TPCN1: variants seen among roughly 807,000 people sequenced by gnomAD.
The protein encoded by TPCN1 is two pore segment channel 1.
A neutral mutation model predicts 108.8 loss-of-function variants in TPCN1; 52 were observed. The ratio of observed to expected loss-of-function variants is 0.48; its 90% confidence interval spans 0.38 to 0.60. The LOEUF (loss-of-function observed/expected upper bound fraction) is 0.60. TPCN1 is among the 20% of genes least tolerant of loss of function. TPCN1 has a pLI of 0.00. For synonymous variants in TPCN1, 446 were observed against 433.7 expected (o/e 1.03, Z -0.35); for missense variants, 806 against 1,072.8 (o/e 0.75, Z 3.47).
intron 15 of TPCN1, among the ~76,000 whole-genome samples, chr12:113,281,194 C>T (rs1246598311): frequency 1.3e-5 from 2 of 152,102 alleles, no homozygotes; most frequent in African/African-American, 2.4e-5. Flanking sequence ...GTGTGTGCCA[C>T]CACGCCCAGC....
In TPCN1 at chr12:113,292,009, CTCTG is replaced by C. The variant is rs542237198; in HGVS notation, c.2113+64_2113+67del. 4.8e-4 allele frequency: 731 copies of C among 1,517,658 alleles called. 7 individuals are homozygous for C. In the African/African-American group the frequency reaches 7.7e-3, roughly 16 times the overall value. 94.0% of individuals were successfully genotyped at this position (1,517,658 alleles called of 1,614,324 possible). ...CATTTGATATCTGCCGCCTACCCAG[CTCTG>C]TCTGTCTGTCTGGGTGGCTGTCCAG... On this transcript the variant is annotated intron_variant, in intron 25 of 27. Coordinates refer to ENST00000335509, the MANE Select transcript of TPCN1 (RefSeq NM_017901.6).
At position 113,293,310 on chromosome 12, in the gene TPCN1, G is replaced by A; in HGVS notation, c.2295G>A (p.Lys765=). The change falls in exon 27 of 28, where the codon AAG becomes AAA. Residue 765 remains lysine (K), a synonymous_variant. Transcript: ENST00000335509. ...MVFLGRRSRT[K]SDLSLKMYQE... ...TTCTGGGACGGCGATCAAGGACCAA[G>A]AGCGACCTGAGCCTGAAGATGTACC... The A allele has an allele frequency of 6.2e-7, 1 of 1,614,120 alleles. No individual in the cohort carries two copies. Among genetic ancestry groups the A allele is most frequent in the Non-Finnish European group, 8.5e-7 (1 of 1,180,032 alleles).
chr12:113,287,117 A>C, intron 19 of TPCN1, 23 bp downstream of exon 19: 2 of 1,584,276 alleles, frequency 1.3e-6, no homozygotes, highest in East Asian at 4.5e-5. Context: ...GCAGAGCCGG[A>C]GACAGGGAGA....
intron 27 of TPCN1, 130 bp downstream of exon 27, chr12:113,293,479 C>T: frequency 3.3e-6 from 3 of 904,938 alleles, no homozygotes; most frequent in Non-Finnish European, 3.6e-6. Context: ...CCATCGGGAC[C>T]ACTGCTGGGG....
intron 2 of TPCN1, among the ~76,000 whole-genome samples, chr12:113,228,474 G>A (rs1251684984): frequency 6.6e-6 from 1 of 152,138 alleles, no homozygotes; most frequent in Non-Finnish European, 1.5e-5. Context: ...ACTTAGCTGG[G>A]TATGGTGGTG....
At chr12:113,249,109 C>G (rs888048114) in intron 2 of TPCN1, among the ~76,000 whole-genome samples, 1 of 152,176 alleles carries the variant, frequency 6.6e-6, no homozygotes, top group Non-Finnish European at 1.5e-5. Flanking sequence ...CATTCAGCAC[C>G]GGTATGGCCA....
chr12:113,295,455 A>AAG (rs1555271814), intron 27 of TPCN1, among the ~76,000 whole-genome samples: 1 of 151,774 alleles, frequency 6.6e-6, no homozygotes, highest in Non-Finnish European at 1.5e-5. Context: ...AAAAAAAAAA[A>AAG]AAAAAAAAGG....
rs745551616 is a variant in TPCN1 at position 113,287,031 on chromosome 12, C to T, written c.1571C>T (p.Ala524Val). 1.2e-5 allele frequency: 20 copies of T among 1,613,752 alleles called. No individual in the cohort carries two copies. Among genetic ancestry groups the T allele is most frequent in the Middle Eastern group, 1.6e-4 (1 of 6,082 alleles). Residue 524 changes from alanine (A) to valine (V), a missense_variant, in exon 19 of 28, where the codon GCG becomes GTG. By Grantham distance (64) the Ala-to-Val change is moderately conservative (BLOSUM62 0). Transcript: ENST00000335509. ...VTVFAFLGLL[A>V]LALNMEPFYF... ...GTGTTCGCCTTCCTGGGACTGCTGG[C>T]GCTGGCCCTCAACATGGAGCCCTTC... is the stretch of plus-strand genomic sequence containing the variant.
chr12:113,241,761 CGTGTGTGT>C lies in TPCN1; in HGVS notation c.112+14823_112+14830del, dbSNP rs67580212. On this transcript the variant is annotated intron_variant, in intron 2 of 27. Transcript: ENST00000335509. The stretch of plus-strand genomic sequence containing the variant: ...AAACAGTGGCGTTTGCGTGCCTCTG[CGTGTGTGT>C]GTGTGTGTGTGTGTGTGTGTGTGTG... Among the ~76,000 whole-genome samples, 701 of 144,470 alleles carry C rather than the reference CGTGTGTGT, an allele frequency of 4.9e-3. 8 individuals are homozygous for C. Among genetic ancestry groups the C allele is most frequent in the African/African-American group, 0.016 (630 of 39,292 alleles). The allele number at this position is 144,470 out of a possible 152,430, so 94.8% of individuals were successfully genotyped here. A position where few individuals can be genotyped will look rare whatever the true frequency, so the allele number is the denominator to read the frequency against.
At chr12:113,277,396 G>A in intron 12 of TPCN1, 32 bp downstream of exon 12, 2 of 1,613,336 alleles carry the variant, frequency 1.2e-6, no homozygotes, top group Non-Finnish European at 1.7e-6. Context: ...GGGCAGCATG[G>A]CCAGACAAGG....
intron 2 of TPCN1, among the ~76,000 whole-genome samples, chr12:113,243,005 T>C (rs988900181): frequency 6.6e-6 from 1 of 152,236 alleles, no homozygotes; most frequent in African/African-American, 2.4e-5. Flanking sequence ...ATGCCTGGTA[T>C]ACAGTAAGTG....
At chr12:113,263,108 GT>G in intron 3 of TPCN1, among the ~76,000 whole-genome samples, 1 of 152,026 alleles carries the variant, frequency 6.6e-6, no homozygotes, top group East Asian at 1.9e-4. Flanking sequence ...CTCAAAAATT[GT>G]TTAAATATTA....
rs1294799574 is a variant in TPCN1 at position 113,290,253 on chromosome 12, A to C, written c.1912+10A>C. On this transcript the variant is annotated intron_variant, in intron 22 of 27. Transcript: ENST00000335509. ...ATCCTCAACAGCTTTGGTGAGTGGGAAAAATCACAGGGGGCACATTCCCTG... is the reference window on the plus strand; with the variant it reads ...ATCCTCAACAGCTTTGGTGAGTGGGCAAAATCACAGGGGGCACATTCCCTG... 3 of 1,559,502 alleles carry C rather than the reference A, an allele frequency of 1.9e-6. No individual in the cohort carries two copies. The highest frequency in any genetic ancestry group is 2.6e-6 in the Non-Finnish European group (3 of 1,141,694).
In TPCN1 at chr12:113,296,050, C is replaced by T. The variant is rs894931005; in HGVS notation, c.2425C>T (p.Arg809Cys). Residue 809 changes from arginine to cysteine, a missense_variant, in exon 28 of 28, where the codon CGC becomes TGC. Coordinates refer to ENST00000335509, the MANE Select transcript of TPCN1 (RefSeq NM_017901.6). ...CGCCGCCCAGCAGCCCCCAGGCAGC[C>T]GCCAGCGCTCCCAGACCGTTACCTA... Reference protein sequence around the residue: ...APAAQQPPGSRQRSQTVT With the variant: ...APAAQQPPGSCQRSQTVT 1.4e-5 allele frequency: 23 copies of T among 1,613,204 alleles called. No homozygotes were observed. Among genetic ancestry groups the T allele is most frequent in the Non-Finnish European group, 1.5e-5 (18 of 1,179,884 alleles).
At chr12:113,257,744 C>T (rs752709488) in intron 2 of TPCN1, among the ~76,000 whole-genome samples, 1 of 152,126 alleles carries the variant, frequency 6.6e-6, no homozygotes, top group Non-Finnish European at 1.5e-5. Context: ...TAACCCAAAA[C>T]TAGAAACAAT....
In TPCN1 at chr12:113,221,516, G is replaced by A; in HGVS notation, c.-236G>A. ...TGGCTGAAGTGGCGGCGGCTTCGGCGGCTGCGGCGGCTGCAACAGCTTCGG... is the reference window on the plus strand; with the variant it reads ...TGGCTGAAGTGGCGGCGGCTTCGGCAGCTGCGGCGGCTGCAACAGCTTCGG... On this transcript the variant is annotated 5_prime_UTR_variant, in exon 1 of 28. Transcript: ENST00000335509. 3 of 290,206 alleles carry A rather than the reference G, an allele frequency of 1.0e-5. No individual in the cohort carries two copies. The highest frequency in any genetic ancestry group is 4.2e-5 in the Admixed American group (1 of 23,592). The allele number at this position is 290,206 out of a possible 1,614,324, so 18.0% of individuals were successfully genotyped here. A position where few individuals can be genotyped will look rare whatever the true frequency, so the allele number is the denominator to read the frequency against.
chr12:113,275,416 G>T (rs1955638509), intron 10 of TPCN1, among the ~76,000 whole-genome samples: 2 of 151,628 alleles, frequency 1.3e-5, no homozygotes, highest in Admixed American at 1.3e-4. Flanking sequence ...ACTAATTTTT[G>T]TATTTTTGGT....
At chr12:113,228,429 C>T (rs1953551736) in intron 2 of TPCN1, among the ~76,000 whole-genome samples, 1 of 152,174 alleles carries the variant, frequency 6.6e-6, no homozygotes, top group Non-Finnish European at 1.5e-5. Context: ...ACCTGGGCAA[C>T]ATAGCGAGAC....
At chr12:113,244,713 GC>G (rs1349932280) in intron 2 of TPCN1, 1 of 985,458 alleles carries the variant, frequency 1.0e-6, no homozygotes, top group Non-Finnish European at 1.2e-6. Flanking sequence ...ATTCTGGTAG[GC>G]GCTGGTTTCC....
Sources: gnomAD v4.1 joint callset for allele counts (sites outside exome capture counted in the v4.1 genomes callset) on GRCh38, gnomAD v4.1.1 for gene constraint, MANE v1.5 for transcripts, NCBI Gene and HGNC (gene_info 2026-07-23, HGNC 2026-07-21) for gene names.